Variants in RELCH observed in about 807,000 individuals in gnomAD.
RELCH encodes RAB11 binding and LisH domain, coiled-coil and HEAT repeat containing.
In RELCH, 41 loss-of-function variants were observed where a neutral mutation model predicts 150.3. The observed-to-expected ratio is 0.27, with a 90% CI of 0.21 to 0.35. The LOEUF is 0.35. Ranked by LOEUF, RELCH falls within the 10% of genes least tolerant of loss-of-function variation. RELCH has a pLI of 1.00. For missense variants in RELCH, 1,092 were observed against 1,467.8 expected (o/e 0.74, Z 4.18); for synonymous variants, 478 against 531.8 (o/e 0.90, Z 1.39).
intron 2 of RELCH, among the ~76,000 whole-genome samples, chr18:62,220,192 A>G (rs1478994399): frequency 2.6e-5 from 4 of 152,114 alleles, no homozygotes; most frequent in Admixed American, 6.6e-5. Flanking sequence ...ATCTATTAGA[A>G]GAGTTATCAG....
chr18:62,288,440 T>C (rs1166656507), intron 26 of RELCH, among the ~76,000 whole-genome samples: 1 of 152,134 alleles, frequency 6.6e-6, no homozygotes, highest in Non-Finnish European at 1.5e-5. Context: ...CACTGGATTC[T>C]GGACTAGAAT....
chr18:62,266,684 C>G lies in RELCH; in HGVS notation c.2632-17C>G. ...TTGAACCTGAGACTTTTTGAATCTT[C>G]TCTTTGGGTTGCTTAGGTAAAACCT... On this transcript the variant is annotated splice_polypyrimidine_tract_variant and intron_variant, in intron 18 of 28. Coordinates refer to ENST00000644646, the MANE Select transcript of RELCH (RefSeq NM_001346231.2). The G allele has an allele frequency of 6.3e-7, 1 of 1,579,652 alleles. No individual in the cohort carries two copies. Among genetic ancestry groups the G allele is most frequent in the South Asian group, 1.1e-5 (1 of 88,636 alleles).
At chr18:62,196,853 C>T (rs772901152) in intron 1 of RELCH, among the ~76,000 whole-genome samples, 30 of 152,070 alleles carry the variant, frequency 2.0e-4, no homozygotes, top group Non-Finnish European at 3.7e-4. Flanking sequence ...AAGACTAACA[C>T]ATGAAAGAAT....
chr18:62,244,971 T>A, intron 11 of RELCH, 95 bp downstream of exon 11: 1 of 784,098 alleles, frequency 1.3e-6, no homozygotes, highest in Non-Finnish European at 2.2e-6. Context: ...CTAAAATGCC[T>A]TCTTTCCTTC....
At position 62,258,598 on chromosome 18, in the gene RELCH, T is replaced by C. The variant is rs751864523; in HGVS notation, c.2124T>C (p.Ala708=). Residue 708 remains alanine, a synonymous_variant, in exon 15 of 29, where the codon GCT becomes GCC. Coordinates refer to ENST00000644646, the MANE Select transcript of RELCH (RefSeq NM_001346231.2). The stretch of plus-strand genomic sequence containing the variant: ...ATCAAGTATTTTTACCAGCTTACGC[T>C]GCGTGGACTACAGAACTTGGAAATT... ...ATHQVFLPAY[A]AWTTELGNLQ... 6 of 1,604,496 alleles carry C rather than the reference T, an allele frequency of 3.7e-6. No individual in the cohort carries two copies. The highest frequency in any genetic ancestry group is 5.1e-6 in the Non-Finnish European group (6 of 1,177,012).
intron 15 of RELCH, among the ~76,000 whole-genome samples, chr18:62,260,745 A>G (rs928968551): frequency 2.0e-5 from 3 of 152,032 alleles, no homozygotes; most frequent in African/African-American, 7.2e-5. Flanking sequence ...CCATTAAAAA[A>G]AGAATGCTAT....
At chr18:62,203,525 G>C (rs751914413) in intron 1 of RELCH, among the ~76,000 whole-genome samples, 1 of 152,138 alleles carries the variant, frequency 6.6e-6, no homozygotes, top group African/African-American at 2.4e-5. Flanking sequence ...TAATTTTATA[G>C]CATGTTAAAT....
rs1457191418 is a variant in RELCH at position 62,287,531 on chromosome 18, G to A, written c.3370+64G>A. The A allele has an allele frequency of 9.3e-6, 8 of 862,336 alleles. No homozygotes were observed. In the East Asian group the frequency reaches 1.0e-4, roughly 11 times the overall value. The allele number at this position is 862,336 out of a possible 1,614,324, so 53.4% of individuals were successfully genotyped here. On this transcript the variant is annotated intron_variant, in intron 26 of 28. Transcript: ENST00000644646. ...ACCAATCTTAGAGTGGAACTTGGTT[G>A]GTAAAGATTGAAAAGTAGAACTTCT...
At chr18:62,192,766 A>T (rs972424985) in intron 1 of RELCH, among the ~76,000 whole-genome samples, 2 of 152,154 alleles carry the variant, frequency 1.3e-5, no homozygotes, top group African/African-American at 4.8e-5. Context: ...TACCAGTACC[A>T]TGCTGTTTTG....
intron 14 of RELCH, 132 bp downstream of exon 14, chr18:62,258,220 G>T (rs1216725693): frequency 2.3e-6 from 2 of 852,406 alleles, no homozygotes; most frequent in Non-Finnish European, 3.6e-6. Context: ...GTCATCTGGG[G>T]ATGGCTGCCT....
intron 1 of RELCH, among the ~76,000 whole-genome samples, chr18:62,192,727 T>A (rs1202141433): frequency 1.3e-5 from 2 of 152,198 alleles, no homozygotes; most frequent in Non-Finnish European, 2.9e-5. Context: ...AATGCTCTCT[T>A]CTGTTCTGTT....
At chr18:62,287,678 C>G (rs1034866076) in intron 26 of RELCH, among the ~76,000 whole-genome samples, 2 of 152,066 alleles carry the variant, frequency 1.3e-5, no homozygotes, top group Non-Finnish European at 2.9e-5. Flanking sequence ...CTTTTATGTT[C>G]TATAGTTTTG....
At chr18:62,257,603 A>G (rs2043053005) in intron 13 of RELCH, among the ~76,000 whole-genome samples, 1 of 152,026 alleles carries the variant, frequency 6.6e-6, no homozygotes. Context: ...AGTGCCTCCT[A>G]GTGTGAACTG....
intron 2 of RELCH, among the ~76,000 whole-genome samples, chr18:62,217,522 A>G (rs1184230851): frequency 3.9e-5 from 6 of 151,994 alleles, no homozygotes; most frequent in Non-Finnish European, 8.8e-5. Flanking sequence ...AACTGGGTCA[A>G]TAATGGTGCC....
At chr18:62,226,668 T>G (rs1052590278) in intron 5 of RELCH, among the ~76,000 whole-genome samples, 3 of 152,082 alleles carry the variant, frequency 2.0e-5, no homozygotes, top group African/African-American at 7.2e-5. Context: ...TTAAAGTTAA[T>G]ATAAAACAAA....
At chr18:62,212,508 C>A (rs2040231604) in intron 2 of RELCH, among the ~76,000 whole-genome samples, 1 of 152,162 alleles carries the variant, frequency 6.6e-6, no homozygotes, top group Admixed American at 6.5e-5. Flanking sequence ...ATTTTTCTTC[C>A]ATTTACTGGG....
intron 1 of RELCH, among the ~76,000 whole-genome samples, chr18:62,192,911 C>T (rs1451348747): frequency 6.6e-6 from 1 of 152,114 alleles, no homozygotes; most frequent in Admixed American, 6.5e-5. Flanking sequence ...TTTTCTAATT[C>T]TATGAAGAAT....
At chr18:62,263,856 T>C in intron 16 of RELCH, 133 bp from the exon 17 acceptor site, 1 of 602,938 alleles carries the variant, frequency 1.7e-6, no homozygotes, top group Non-Finnish European at 2.7e-6. Flanking sequence ...TGTATTTCAA[T>C]TTTATATTTA....
chr18:62,288,070 G>A (rs2044908574), intron 26 of RELCH, among the ~76,000 whole-genome samples: 1 of 152,040 alleles, frequency 6.6e-6, no homozygotes, highest in South Asian at 2.1e-4. Context: ...AACTGTGACT[G>A]GAACAAAGAA....
Sources: gnomAD v4.1 joint callset for allele counts (sites outside exome capture counted in the v4.1 genomes callset) on GRCh38, gnomAD v4.1.1 for gene constraint, MANE v1.5 for transcripts, NCBI Gene and HGNC (gene_info 2026-07-23, HGNC 2026-07-21) for gene names.